Variants in OR9Q1 observed in about 807,000 individuals in gnomAD.
OR9Q1 encodes olfactory receptor 9Q1.
For missense variants in OR9Q1, 374 were observed against 378.8 expected (o/e 0.99, Z 0.11); for synonymous variants, 153 against 148.6 (o/e 1.03, Z -0.22).
chr11:58,096,004 A>C (rs559804640), intron 2 of OR9Q1, among the ~76,000 whole-genome samples: 1 of 152,254 alleles, frequency 6.6e-6, no homozygotes, highest in African/African-American at 2.4e-5. Context: ...AAAAATGAAA[A>C]ATTTGGGACA....
At chr11:58,164,579 C>G (rs1854484766) in intron 2 of OR9Q1, among the ~76,000 whole-genome samples, 1 of 152,168 alleles carries the variant, frequency 6.6e-6, no homozygotes, top group South Asian at 2.1e-4. Context: ...CTGGTCCACA[C>G]CCATCCCAAT....
chr11:58,042,010 A>G (rs996702502), intron 1 of OR9Q1, among the ~76,000 whole-genome samples: 1 of 152,250 alleles, frequency 6.6e-6, no homozygotes, highest in Non-Finnish European at 1.5e-5. Context: ...TCATAGCCAC[A>G]GCTAATTAAT....
At chr11:58,073,501 C>T (rs1214724411) in intron 2 of OR9Q1, 2 of 152,998 alleles carry the variant, frequency 1.3e-5, no homozygotes, top group Non-Finnish European at 2.9e-5. Flanking sequence ...GAACTTAGCA[C>T]ACACTGTACG....
At chr11:58,099,646 A>G (rs1853765278) in intron 2 of OR9Q1, among the ~76,000 whole-genome samples, 1 of 152,030 alleles carries the variant, frequency 6.6e-6, no homozygotes, top group Admixed American at 6.6e-5. Context: ...GGTGGATCTT[A>G]TTTTTAATAG....
At chr11:58,119,001 G>T (rs536724436) in intron 2 of OR9Q1, 12 of 1,613,778 alleles carry the variant, frequency 7.4e-6, no homozygotes, top group Non-Finnish European at 1.0e-5. Flanking sequence ...CACAGACATA[G>T]GCTCCTACCA....
chr11:58,087,243 A>G (rs1415979063), intron 2 of OR9Q1, among the ~76,000 whole-genome samples: 2 of 151,774 alleles, frequency 1.3e-5, no homozygotes, highest in Non-Finnish European at 2.9e-5. Context: ...AATTTAATGC[A>G]TCTAAATCAA....
chr11:58,068,078 C>T (rs898289934), intron 2 of OR9Q1, among the ~76,000 whole-genome samples: 4 of 152,082 alleles, frequency 2.6e-5, no homozygotes, highest in African/African-American at 4.8e-5. Flanking sequence ...GTGGCTCACG[C>T]CTGTAATCCC....
chr11:58,041,961 TC>T, intron 1 of OR9Q1, among the ~76,000 whole-genome samples: 1 of 152,186 alleles, frequency 6.6e-6, no homozygotes. Context: ...CTGTCTAGGA[TC>T]CCTTTAAATT....
At chr11:58,025,643 G>T (rs1182288676) in intron 1 of OR9Q1, among the ~76,000 whole-genome samples, 1 of 152,158 alleles carries the variant, frequency 6.6e-6, no homozygotes, top group Non-Finnish European at 1.5e-5. Context: ...TGTCTCTGAT[G>T]ACTTCAATGA....
chr11:58,119,525 T>C, intron 2 of OR9Q1: 1 of 977,346 alleles, frequency 1.0e-6, no homozygotes, highest in South Asian at 1.8e-5. Flanking sequence ...TCTTTCCCTC[T>C]ATGGTGGAAG....
In OR9Q1 at chr11:58,179,876, T is replaced by C; in HGVS notation, c.432T>C (p.Leu144=). The C allele has an allele frequency of 1.2e-6, 2 of 1,614,182 alleles. No homozygotes were observed. The highest frequency in any genetic ancestry group is 1.7e-6 in the Non-Finnish European group (2 of 1,180,018). The change falls in exon 3 of 3, where the codon CTT becomes CTC. Residue 144 remains leucine, a synonymous_variant. Coordinates refer to ENST00000335397, the MANE Select transcript of OR9Q1 (RefSeq NM_001005212.4). ...TGACACAGCAGGCCCGCTTGAGTCT[T>C]GTGGCTGGGGCTTACGTTGCTGGTC... ...TILTQQARLS[L]VAGAYVAGLI... is the part of the protein sequence containing the mutation.
intron 2 of OR9Q1, among the ~76,000 whole-genome samples, chr11:58,130,972 G>A (rs1854135558): frequency 6.6e-6 from 1 of 152,118 alleles, no homozygotes; most frequent in South Asian, 2.1e-4. Context: ...TCATGGTACT[G>A]TTATTTCATA....
intron 1 of OR9Q1, chr11:58,030,962 T>C (rs1205617404): frequency 6.2e-6 from 10 of 1,612,260 alleles, no homozygotes; most frequent in Non-Finnish European, 7.6e-6. Context: ...TATGCAACCA[T>C]ATACCAAAAA....
intron 2 of OR9Q1, among the ~76,000 whole-genome samples, chr11:58,082,362 A>G (rs1435423656): frequency 6.6e-6 from 1 of 152,118 alleles, no homozygotes; most frequent in Non-Finnish European, 1.5e-5. Context: ...TCCAACAATG[A>G]TAGACTGGAT....
At chr11:58,130,457 G>A (rs1565085230) in intron 2 of OR9Q1, among the ~76,000 whole-genome samples, 1 of 152,118 alleles carries the variant, frequency 6.6e-6, no homozygotes, top group Non-Finnish European at 1.5e-5. Context: ...GCATCTTGAA[G>A]TCAGTTGGCT....
chr11:58,081,856 GT>G (rs1281185496), intron 2 of OR9Q1, among the ~76,000 whole-genome samples: 1 of 144,172 alleles, frequency 6.9e-6, no homozygotes, highest in Non-Finnish European at 1.5e-5. Flanking sequence ...TATTAATGTA[GT>G]CAACATTTAC....
intron 2 of OR9Q1, among the ~76,000 whole-genome samples, chr11:58,067,911 T>C (rs61904042): frequency 0.17 from 26,294 of 152,196 alleles, 2,409 homozygotes; most frequent in Non-Finnish European, 0.21. Flanking sequence ...GATGAGGCAT[T>C]GATGCAGCTG....
intron 2 of OR9Q1, among the ~76,000 whole-genome samples, chr11:58,070,505 T>C (rs1316845179): frequency 6.6e-6 from 1 of 152,178 alleles, no homozygotes; most frequent in Non-Finnish European, 1.5e-5. Context: ...TGCACATCAA[T>C]TTATGCAAAT....
chr11:58,061,923 A>G (rs1241184277), intron 2 of OR9Q1, among the ~76,000 whole-genome samples: 6 of 152,224 alleles, frequency 3.9e-5, no homozygotes, highest in African/African-American at 7.2e-5. Flanking sequence ...GCCAGTTCGT[A>G]TACTAATATG....
Sources: gnomAD v4.1 joint callset for allele counts (sites outside exome capture counted in the v4.1 genomes callset) on GRCh38, gnomAD v4.1.1 for gene constraint, MANE v1.5 for transcripts, NCBI Gene and HGNC (gene_info 2026-07-23, HGNC 2026-07-21) for gene names.